CHD7: variants seen among roughly 807,000 people sequenced by gnomAD.
The protein encoded by CHD7 is ATP-dependent chromatin remodeler CHD7.
In CHD7, 24 loss-of-function variants were observed where a neutral mutation model predicts 307.3. The ratio of observed to expected loss-of-function variants is 0.08; its 90% confidence interval spans 0.06 to 0.11. The LOEUF is 0.11. Ranked by LOEUF, CHD7 falls within the 10% of genes least tolerant of loss-of-function variation. CHD7 has a pLI of 1.00. For missense variants in CHD7, 3,106 were observed against 3,727.1 expected (o/e 0.83, Z 4.34); for synonymous variants, 1,363 against 1,349.9 (o/e 1.01, Z -0.21).
At chr8:60,803,482 C>T (rs926127667) in intron 6 of CHD7, among the ~76,000 whole-genome samples, 5 of 152,058 alleles carry the variant, frequency 3.3e-5, no homozygotes, top group Non-Finnish European at 7.4e-5. Context: ...AACCATTTAC[C>T]GATGACTGGG....
chr8:60,696,745 A>C (rs945956056), intron 1 of CHD7, among the ~76,000 whole-genome samples: 1 of 152,008 alleles, frequency 6.6e-6, no homozygotes, highest in Non-Finnish European at 1.5e-5. Flanking sequence ...TTTTTCAGTA[A>C]TTTTGTGGTA....
At chr8:60,805,169 AAACT>A in intron 6 of CHD7, among the ~76,000 whole-genome samples, 1 of 152,322 alleles carries the variant, frequency 6.6e-6, no homozygotes, top group Non-Finnish European at 1.5e-5. Flanking sequence ...GAGGCTGGTC[AAACT>A]GCCTCCCATT....
intron 34 of CHD7, among the ~76,000 whole-genome samples, chr8:60,858,963 A>ATTATTAAAAAAG (rs1805842512): frequency 6.6e-6 from 1 of 152,234 alleles, no homozygotes; most frequent in Non-Finnish European, 1.5e-5. Flanking sequence ...AATGCAACAC[A>ATTATTAAAAAAG]CGTGCTTTTT....
intron 13 of CHD7, 25 bp downstream of exon 13, chr8:60,824,041 A>G (rs1461490915): frequency 6.3e-7 from 1 of 1,598,640 alleles, no homozygotes; most frequent in Non-Finnish European, 8.6e-7. Flanking sequence ...TGGTGATTGC[A>G]CTGAACCTGA....
chr8:60,809,208 C>A (rs117394363), intron 7 of CHD7, among the ~76,000 whole-genome samples: 3 of 152,090 alleles, frequency 2.0e-5, no homozygotes, highest in Non-Finnish European at 4.4e-5. Flanking sequence ...GTGAGTAAAA[C>A]CTTTTATCAA....
intron 3 of CHD7, among the ~76,000 whole-genome samples, chr8:60,789,889 T>A (rs566750557): frequency 6.6e-6 from 1 of 152,358 alleles, no homozygotes; most frequent in South Asian, 2.1e-4. Flanking sequence ...TCTCTGAATA[T>A]AAAGTTTGTG....
intron 1 of CHD7, among the ~76,000 whole-genome samples, chr8:60,715,039 T>C (rs922884850): frequency 1.3e-5 from 2 of 152,206 alleles, no homozygotes; most frequent in Non-Finnish European, 2.9e-5. Context: ...TTTTTTGTGT[T>C]GGTGGGATTG....
At chr8:60,696,828 T>A (rs1238272272) in intron 1 of CHD7, among the ~76,000 whole-genome samples, 1 of 151,914 alleles carries the variant, frequency 6.6e-6, no homozygotes, top group Admixed American at 6.6e-5. Context: ...GAAACAATAC[T>A]TTCAAATTTT....
At chr8:60,703,705 G>A (rs1356234382) in intron 1 of CHD7, among the ~76,000 whole-genome samples, 1 of 152,172 alleles carries the variant, frequency 6.6e-6, no homozygotes, top group Non-Finnish European at 1.5e-5. Flanking sequence ...CTCCCATCCT[G>A]GGATCATGTT....
At chr8:60,764,522 G>A (rs1000076121) in intron 2 of CHD7, among the ~76,000 whole-genome samples, 18 of 152,066 alleles carry the variant, frequency 1.2e-4, no homozygotes, top group African/African-American at 4.3e-4. Flanking sequence ...ATGAGATGAG[G>A]GATTGCAATT....
intron 1 of CHD7, among the ~76,000 whole-genome samples, chr8:60,733,757 C>CTAACGTTAGCCTCAATACTGCTA (rs2150565980): frequency 1.3e-5 from 2 of 151,290 alleles, no homozygotes; most frequent in South Asian, 2.1e-4. Context: ...CTCAATACTG[C>CTAACGTTAGCCTCAATACTGCTA]ATGAAGGAAC....
At chr8:60,857,116 T>C (rs1334958785) in intron 34 of CHD7, among the ~76,000 whole-genome samples, 1 of 152,224 alleles carries the variant, frequency 6.6e-6, no homozygotes, top group Non-Finnish European at 1.5e-5. Context: ...AGTTCTGATG[T>C]GTTGATTGCT....
intron 28 of CHD7, among the ~76,000 whole-genome samples, chr8:60,851,687 C>T (rs562444165): frequency 8.5e-5 from 13 of 152,244 alleles, no homozygotes; most frequent in African/African-American, 3.1e-4. Context: ...AAAATCATTA[C>T]ACAACAATTA....
intron 18 of CHD7, 60 bp downstream of exon 18, chr8:60,837,895 T>C (rs1265306931): frequency 2.7e-6 from 4 of 1,467,800 alleles, no homozygotes; most frequent in Non-Finnish European, 3.7e-6. Flanking sequence ...ATTTAACTAA[T>C]AGTAAGAAAT....
intron 1 of CHD7, among the ~76,000 whole-genome samples, chr8:60,698,575 TC>T (rs1263897892): frequency 6.6e-6 from 1 of 152,208 alleles, no homozygotes; most frequent in Non-Finnish European, 1.5e-5. Context: ...GATAACCTGT[TC>T]CTGTTTTCTT....
chr8:60,850,705 C>T (rs1805414525), intron 26 of CHD7, 83 bp downstream of exon 26: 1 of 1,366,136 alleles, frequency 7.3e-7, no homozygotes, highest in Non-Finnish European at 1.0e-6. Context: ...CCCTGCAGTA[C>T]ACACTGTATT....
In CHD7 at chr8:60,848,525, C is replaced by T; in HGVS notation, c.5221C>T (p.Arg1741Cys). 1 of 1,612,960 alleles carries T rather than the reference C, an allele frequency of 6.2e-7. No homozygotes were observed. Among genetic ancestry groups the T allele is most frequent in the Non-Finnish European group, 8.5e-7 (1 of 1,179,328 alleles). Residue 1741 changes from arginine (R) to cysteine (C), a missense_variant, in exon 24 of 38, where the codon CGT (arginine) becomes TGT (cysteine). Physicochemically the swap from Arg to Cys is radical, Grantham distance 180. Transcript: ENST00000423902. The stretch of plus-strand genomic sequence containing the variant: ...TGTCTTCCTCTCCAGGGTCCTGCTG[C>T]GTGTCCGCATGCTGTACTACCTAAG... ...LKHHCNKVLL[R>C]VRMLYYLRQE...
intron 2 of CHD7, among the ~76,000 whole-genome samples, chr8:60,776,412 C>G (rs1259566502): frequency 6.6e-6 from 1 of 152,210 alleles, no homozygotes; most frequent in Non-Finnish European, 1.5e-5. Context: ...TTGATCTCCT[C>G]CCTTACAAAG....
At position 60,770,799 on chromosome 8, in the gene CHD7, G is replaced by GA. The variant is rs137978180; in HGVS notation, c.1666-10199dup. On this transcript the variant is annotated intron_variant, in intron 2 of 37. Transcript: ENST00000423902. ...TATCTCACCTGGACTCTTCCTGTCT[G>GA]AACGGGTCCTACCTCTGCCCAGCTG... Among the ~76,000 whole-genome samples the GA allele has an allele frequency of 3.9e-3, 590 of 152,112 alleles. 6 individuals carry two copies. The highest frequency in any genetic ancestry group is 0.013 in the African/African-American group (552 of 41,470).
Sources: allele counts gnomAD v4.1 joint callset (sites outside exome capture counted in the v4.1 genomes callset), GRCh38; gene constraint gnomAD v4.1.1; transcripts MANE v1.5; gene names NCBI Gene and HGNC (gene_info 2026-07-23, HGNC 2026-07-21).